Variants in SEC24A observed in about 807,000 individuals in gnomAD.
SEC24A encodes protein transport protein Sec24A.
SEC24A carries 93 observed loss-of-function variants against 129.4 expected under a neutral mutation model. The ratio of observed to expected loss-of-function variants is 0.72; its 90% CI spans 0.61 to 0.85. SEC24A has a LOEUF of 0.85. Ranked by LOEUF, SEC24A falls within the 40% of genes least tolerant of loss-of-function variation. The pLI, the probability that SEC24A is intolerant of heterozygous loss-of-function variation, is 0.00. For synonymous variants in SEC24A, 460 were observed against 467.3 expected (o/e 0.98, Z 0.20); for missense variants, 1,264 against 1,307.4 (o/e 0.97, Z 0.51).
chr5:134,670,892 G>A (rs1402102475), intron 3 of SEC24A, among the ~76,000 whole-genome samples: 1 of 151,906 alleles, frequency 6.6e-6, no homozygotes, highest in Non-Finnish European at 1.5e-5. Context: ...GGGAGGCTGA[G>A]GCAGGAGAAT....
At chr5:134,713,797 G>A (rs1561832276) in intron 18 of SEC24A, among the ~76,000 whole-genome samples, 1 of 151,150 alleles carries the variant, frequency 6.6e-6, no homozygotes, top group South Asian at 2.1e-4. Context: ...TTGGGAGGCC[G>A]AGGCGGGCGG....
chr5:134,717,124 C>A (rs1348732280), intron 19 of SEC24A, among the ~76,000 whole-genome samples: 3 of 151,942 alleles, frequency 2.0e-5, no homozygotes, highest in Non-Finnish European at 4.4e-5. Context: ...AGTGATCCAC[C>A]CGCCTCAGCC....
At chr5:134,695,509 G>A (rs1002909063) in intron 13 of SEC24A, among the ~76,000 whole-genome samples, 13 of 151,964 alleles carry the variant, frequency 8.6e-5, no homozygotes, top group East Asian at 3.9e-4. Flanking sequence ...AAAATTGGCC[G>A]GGCATGGTGG....
At chr5:134,668,399 A>C (rs1439775248) in intron 3 of SEC24A, among the ~76,000 whole-genome samples, 1 of 151,120 alleles carries the variant, frequency 6.6e-6, no homozygotes, top group Admixed American at 6.6e-5. Context: ...GACCAGCCTG[A>C]CCAAGGTGGT....
At position 134,682,327 on chromosome 5, in the gene SEC24A, A is replaced by C. The variant is rs938370346; in HGVS notation, c.1382-46A>C. The C allele has an allele frequency of 8.0e-6, 8 of 1,004,304 alleles. No individual in the cohort carries two copies. The African/African-American group carries it at 1.1e-4, about 14-fold the overall frequency. The allele number at this position is 1,004,304 out of a possible 1,614,324, so 62.2% of individuals were successfully genotyped here. On this transcript the variant is annotated intron_variant, in intron 8 of 22. Transcript: ENST00000398844. Reference sequence around the variant, plus strand: ...AAGTGGCCAAATGCAAAATACATTAAATTCTTTTCAGTTTTTTCAATATGT... The same window carrying C: ...AAGTGGCCAAATGCAAAATACATTACATTCTTTTCAGTTTTTTCAATATGT...
chr5:134,716,467 TA>T (rs370950499), intron 19 of SEC24A, among the ~76,000 whole-genome samples: 8,273 of 78,898 alleles, frequency 0.1, 237 homozygotes, highest in Middle Eastern at 0.21. Flanking sequence ...AGACTTTGTC[TA>T]AAAAAAAAAA....
At position 134,726,092 on chromosome 5, in the gene SEC24A, T is replaced by C. The variant is rs1282828000; in HGVS notation, c.*998T>C. The C allele has an allele frequency of 2.0e-5, 3 of 152,544 alleles. No individual in the cohort carries two copies. Among genetic ancestry groups the C allele is most frequent in the Non-Finnish European group, 2.9e-5 (2 of 67,954 alleles). The allele number at this position is 152,544 out of a possible 1,614,324, so 9.4% of individuals were successfully genotyped here. On this transcript the variant is annotated 3_prime_UTR_variant, in exon 23 of 23. Transcript: ENST00000398844. The stretch of plus-strand genomic sequence containing the variant: ...ATTTATGCTTGAATATGAAAATCTA[T>C]GAAAGCATAAATGCTGCTGTTTGAT...
In SEC24A at chr5:134,698,066, AT is replaced by A. The variant is rs749709830; in HGVS notation, c.2266+19del. On this transcript the variant is annotated intron_variant, in intron 15 of 22. Coordinates refer to ENST00000398844, the MANE Select transcript of SEC24A (RefSeq NM_021982.3). Reference sequence around the variant, plus strand: ...GATTCGGTGCACCAAAGGTAGGAATATTTTTTTTTTGCGTAGGACTGAATAA... The same window carrying A: ...GATTCGGTGCACCAAAGGTAGGAATATTTTTTTTTGCGTAGGACTGAATAA... 2.1e-3 allele frequency: 2,642 copies of A among 1,235,116 alleles called. No individual in the cohort carries two copies. The highest frequency in any genetic ancestry group is 4.0e-3 in the Admixed American group (187 of 47,144). 76.5% of individuals were successfully genotyped at this position (1,235,116 alleles called of 1,614,324 possible). A position where few individuals can be genotyped will look rare whatever the true frequency, so the allele number is the denominator to read the frequency against.
At chr5:134,659,087 A>ATTTAT (rs772507176) in intron 1 of SEC24A, among the ~76,000 whole-genome samples, 1 of 150,330 alleles carries the variant, frequency 6.7e-6, no homozygotes, top group Non-Finnish European at 1.5e-5. Context: ...TTATTTATTT[A>ATTTAT]TTGAGATGGA....
Position 134,666,903 on chromosome 5 carries a change from G to A in SEC24A, c.646G>A (p.Gly216Arg). ...PGAPHGPPPAGGPPPVRALTP... is the reference protein window; with the variant it reads ...PGAPHGPPPARGPPPVRALTP... ...AGCTCCTCATGGGCCCCCTCCAGCTGGAGGCCCACCCCCAGTGAGGGCCCT... is the reference window on the plus strand; with the variant it reads ...AGCTCCTCATGGGCCCCCTCCAGCTAGAGGCCCACCCCCAGTGAGGGCCCT... The change falls in exon 3 of 23, where the codon GGA becomes AGA. Residue 216 changes from glycine (G) to arginine (R), a missense_variant. By Grantham distance (125) the Gly-to-Arg change is moderately radical. Transcript: ENST00000398844. The A allele has an allele frequency of 6.2e-7, 1 of 1,613,656 alleles. No homozygotes were observed. The highest frequency in any genetic ancestry group is 8.5e-7 in the Non-Finnish European group (1 of 1,179,696).
chr5:134,678,629 G>A (rs2150085359), intron 7 of SEC24A, among the ~76,000 whole-genome samples: 1 of 151,858 alleles, frequency 6.6e-6, no homozygotes, highest in African/African-American at 2.4e-5. Context: ...TGCCCAGGCT[G>A]GAGTACAGTG....
At chr5:134,698,519 T>C (rs1420947973) in intron 15 of SEC24A, among the ~76,000 whole-genome samples, 1 of 151,136 alleles carries the variant, frequency 6.6e-6, no homozygotes, top group East Asian at 1.9e-4. Context: ...GTGGGAGGAT[T>C]GTTGGGGCCT....
chr5:134,657,157 G>T lies in SEC24A; in HGVS notation c.98-3962G>T, dbSNP rs573266566. On this transcript the variant is annotated intron_variant, in intron 1 of 22. Coordinates refer to ENST00000398844, the MANE Select transcript of SEC24A (RefSeq NM_021982.3). The stretch of plus-strand genomic sequence containing the variant: ...CTGTGACACTTCAGCCTGGGTGGCA[G>T]AGCGAGACCTCATTTCTGAAAAACG... Among the ~76,000 whole-genome samples the T allele has an allele frequency of 1.5e-3, 221 of 151,226 alleles. 1 individual carries two copies. Among genetic ancestry groups the T allele is most frequent in the Non-Finnish European group, 2.4e-3 (164 of 67,882 alleles).
chr5:134,675,232 G>A lies in SEC24A; in HGVS notation c.1151+15G>A. The A allele has an allele frequency of 1.3e-6, 2 of 1,597,634 alleles. No individual in the cohort carries two copies. ...TGTAACCCAGAGTAAGGCTTCAGAT[G>A]TGACATTATGCATGTCCGAAAAGTT... On this transcript the variant is annotated intron_variant, in intron 6 of 22. Coordinates refer to ENST00000398844, the MANE Select transcript of SEC24A (RefSeq NM_021982.3).
At chr5:134,670,128 T>C (rs1218320097) in intron 3 of SEC24A, among the ~76,000 whole-genome samples, 1 of 152,218 alleles carries the variant, frequency 6.6e-6, no homozygotes, top group Non-Finnish European at 1.5e-5. Flanking sequence ...GGTTTTCCCA[T>C]GTTGCCCAGG....
rs1347860862 is a variant in SEC24A, at chr5:134,727,045, A to G, written c.*1951A>G. ...CATGAAAAACATAACTTTAGTTAGG[A>G]TTCACAATATTTGTTCTCCACATAA... On this transcript the variant is annotated 3_prime_UTR_variant, in exon 23 of 23. Coordinates refer to ENST00000398844, the MANE Select transcript of SEC24A (RefSeq NM_021982.3). 6.6e-6 allele frequency: 1 copy of G among 152,620 alleles called. No individual in the cohort carries two copies. Among genetic ancestry groups the G allele is most frequent in the Non-Finnish European group, 1.5e-5 (1 of 68,006 alleles). The allele number at this position is 152,620 out of a possible 1,614,324, so 9.5% of individuals were successfully genotyped here. A position where few individuals can be genotyped will look rare whatever the true frequency, so the allele number is the denominator to read the frequency against.
At chr5:134,666,251 G>A (rs902943760) in intron 2 of SEC24A, among the ~76,000 whole-genome samples, 1 of 151,362 alleles carries the variant, frequency 6.6e-6, no homozygotes, top group Non-Finnish European at 1.5e-5. Context: ...TGGTAGGGGA[G>A]AGTTAGAAAT....
At chr5:134,679,525 C>T in intron 7 of SEC24A, 77 bp from the exon 8 acceptor site, 4 of 1,001,602 alleles carry the variant, frequency 4.0e-6, no homozygotes, top group Non-Finnish European at 5.9e-6. Context: ...GTTATTTAGA[C>T]AGGATGGATT....
chr5:134,652,629 C>T (rs1022932590), intron 1 of SEC24A, among the ~76,000 whole-genome samples: 1 of 151,998 alleles, frequency 6.6e-6, no homozygotes, highest in Non-Finnish European at 1.5e-5. Context: ...TGCTGTGTTG[C>T]CAGGCTGGAG....
Sources: allele counts gnomAD v4.1 joint callset (sites outside exome capture counted in the v4.1 genomes callset), GRCh38; gene constraint gnomAD v4.1.1; transcripts MANE v1.5; gene names NCBI Gene and HGNC (gene_info 2026-07-23, HGNC 2026-07-21).